PYROXD2: variants seen among roughly 807,000 people sequenced by gnomAD.
PYROXD2 encodes pyridine nucleotide-disulphide oxidoreductase domain 2.
A neutral mutation model predicts 71.1 loss-of-function variants in PYROXD2; 69 were observed. The observed-to-expected ratio is 0.97, with a 90% confidence interval of 0.80 to 1.19. The LOEUF (loss-of-function observed/expected upper bound fraction) is 1.19. Among genes scored for constraint, PYROXD2 ranks in the 50% most tolerant of loss-of-function variants. The pLI, the probability that PYROXD2 is intolerant of heterozygous loss-of-function variation, is 0.00. For synonymous variants in PYROXD2, 287 were observed against 302.7 expected, an observed-to-expected ratio of 0.95 and a Z score of 0.54; for missense variants, 745 against 748.9, an observed-to-expected ratio of 0.99 and a Z score of 0.06.
chr10:98,388,601 G>A, intron 12 of PYROXD2, 93 bp from the exon 13 acceptor site: 2 of 1,276,878 alleles, frequency 1.6e-6, no homozygotes, highest in Non-Finnish European at 2.1e-6. Flanking sequence ...GAGGCCCTGA[G>A]ATGACACCAA....
intron 10 of PYROXD2, 128 bp from the exon 11 acceptor site, chr10:98,391,210 C>T (rs1446558475): frequency 1.6e-5 from 11 of 680,630 alleles, no homozygotes; most frequent in East Asian, 2.7e-5. Flanking sequence ...CAAAGCTCAG[C>T]CAAAACCACC....
Position 98,383,613 on chromosome 10 carries a change from TGG to T in PYROXD2, c.*183_*184del. The T allele has an allele frequency of 1.5e-6, 1 of 660,892 alleles. No individual in the cohort carries two copies. The highest frequency in any genetic ancestry group is 1.8e-5 in the South Asian group (1 of 55,170). 40.9% of individuals were successfully genotyped at this position (660,892 alleles called of 1,614,324 possible). A position where few individuals can be genotyped will look rare whatever the true frequency, so the allele number is the denominator to read the frequency against. On this transcript the variant is annotated 3_prime_UTR_variant, in exon 16 of 16. Transcript: ENST00000370575. ...TAATAAAACAGAACCAGTCCATGTATGGAGGCATGGGCATAAGGTCAACTTGC... is the reference window on the plus strand; with the variant it reads ...TAATAAAACAGAACCAGTCCATGTATAGGCATGGGCATAAGGTCAACTTGC...
chr10:98,392,607 G>A (rs1438712374), intron 9 of PYROXD2, 41 bp from the exon 10 acceptor site: 7 of 1,603,404 alleles, frequency 4.4e-6, no homozygotes, highest in Non-Finnish European at 5.9e-6. Flanking sequence ...CCGCAGGAAG[G>A]GAAATCCATG....
At chr10:98,395,168 T>C in intron 8 of PYROXD2, 28 bp downstream of exon 8, 1 of 1,588,968 alleles carries the variant, frequency 6.3e-7, no homozygotes, top group South Asian at 1.1e-5. Context: ...GCCCCACTCC[T>C]GTGTCCCACC....
At chr10:98,397,877 CTTTTTTTTTTTT>C (rs60678578) in intron 5 of PYROXD2, among the ~76,000 whole-genome samples, 2 of 84,172 alleles carry the variant, frequency 2.4e-5, no homozygotes, top group African/African-American at 9.6e-5. Context: ...GTCCTTTCTT[CTTTTTTTTTTTT>C]TTTTTTTTTT....
At chr10:98,397,629 C>T in intron 5 of PYROXD2, 131 bp from the exon 6 acceptor site, 2 of 1,121,080 alleles carry the variant, frequency 1.8e-6, no homozygotes, top group Admixed American at 6.8e-5. Flanking sequence ...CCCAGCTTGG[C>T]TCTGTTGAGC....
chr10:98,403,354 C>G (rs1843485719), intron 4 of PYROXD2, among the ~76,000 whole-genome samples: 1 of 152,224 alleles, frequency 6.6e-6, no homozygotes, highest in South Asian at 2.1e-4. Context: ...ACCGCTGCAG[C>G]GGCGGCCTAG....
Position 98,392,514 on chromosome 10 carries a change from AG to A in PYROXD2, c.979del (p.Leu327TrpfsTer7). The A allele has an allele frequency of 6.2e-7, 1 of 1,613,712 alleles. No individual in the cohort carries two copies. Among genetic ancestry groups the A allele is most frequent in the South Asian group, 1.1e-5 (1 of 91,086 alleles). ...NSEGCVQGVV[L>X]EDGTEVRSKM... is the part of the protein sequence containing the mutation. Reference sequence around the variant, plus strand: ...GCTTCTCACCTCTGTGCCATCTTCCAGCACAACTCCTTGAACACAGCCTTCA... The same window carrying A: ...GCTTCTCACCTCTGTGCCATCTTCCACACAACTCCTTGAACACAGCCTTCA... On this transcript the variant is annotated frameshift_variant, in exon 10 of 16. Transcript: ENST00000370575. LOFTEE classifies it high-confidence loss of function.
rs1007880823 is a variant in PYROXD2, at chr10:98,404,169, C to T, written c.315+3413G>A. Among the ~76,000 whole-genome samples the T allele has an allele frequency of 2.6e-5, 4 of 152,234 alleles. No homozygotes were observed. The South Asian group carries it at 8.3e-4, about 32-fold the overall frequency. On this transcript the variant is annotated intron_variant, in intron 4 of 15. Transcript: ENST00000370575. The stretch of plus-strand genomic sequence containing the variant: ...GGAGGCGTAAACAGACTGTAACCTA[C>T]TTCTGTGTCAATCGCCGAGTTTTGG...
chr10:98,407,848 G>A (rs7091709), intron 3 of PYROXD2, 56 bp downstream of exon 3: 174,802 of 1,049,070 alleles, frequency 0.17, 31,975 homozygotes, highest in African/African-American at 0.53. Flanking sequence ...AGCAGGGATG[G>A]AGACTGTCAC....
At chr10:98,391,104 A>C (rs372757981) in intron 10 of PYROXD2, 22 bp from the exon 11 acceptor site, 2 of 1,528,946 alleles carry the variant, frequency 1.3e-6, no homozygotes, top group Non-Finnish European at 1.8e-6. Context: ...AGGCTCCATG[A>C]AAGGCCTCAG....
chr10:98,413,718 A>G (rs1843867979), intron 1 of PYROXD2, among the ~76,000 whole-genome samples: 1 of 152,178 alleles, frequency 6.6e-6, no homozygotes, highest in African/African-American at 2.4e-5. Flanking sequence ...CATCTCAATA[A>G]ATGAATAAAT....
chr10:98,414,250 A>G (rs973443340), intron 1 of PYROXD2: 1 of 152,068 alleles, frequency 6.6e-6, no homozygotes, highest in Non-Finnish European at 1.5e-5. Flanking sequence ...CGGTCCCGTC[A>G]TTATCTCTGT....
At chr10:98,410,626 G>C (rs6584202) in intron 2 of PYROXD2, 2 of 430,936 alleles carry the variant, frequency 4.6e-6, no homozygotes, top group Non-Finnish European at 8.3e-6. Context: ...CTCTCATGCT[G>C]TGTTGGTTAC....
chr10:98,407,472 C>A (rs1843636183), intron 4 of PYROXD2, 110 bp downstream of exon 4: 1 of 1,330,264 alleles, frequency 7.5e-7, no homozygotes, highest in Non-Finnish European at 1.0e-6. Context: ...GAAGAGGGAG[C>A]CCTCAGGGGC....
At chr10:98,388,066 G>T in intron 13 of PYROXD2, 2 of 371,688 alleles carry the variant, frequency 5.4e-6, no homozygotes, top group Non-Finnish European at 1.0e-5. Context: ...GTCTCCTTTG[G>T]TTCGTGCAGT....
chr10:98,412,132 T>A (rs184028982), intron 1 of PYROXD2, among the ~76,000 whole-genome samples: 5 of 152,244 alleles, frequency 3.3e-5, no homozygotes, highest in African/African-American at 1.2e-4. Flanking sequence ...AAGGATGAGA[T>A]AAATGGGAGC....
intron 6 of PYROXD2, among the ~76,000 whole-genome samples, chr10:98,396,635 A>AT (rs1391600996): frequency 6.6e-6 from 1 of 152,160 alleles, no homozygotes; most frequent in Non-Finnish European, 1.5e-5. Flanking sequence ...TTCTTCCTGT[A>AT]TGGGGGCAGC....
At chr10:98,402,940 T>G (rs1478250094) in intron 4 of PYROXD2, among the ~76,000 whole-genome samples, 1 of 152,236 alleles carries the variant, frequency 6.6e-6, no homozygotes, top group African/African-American at 2.4e-5. Context: ...GAATGCTAGG[T>G]TGCAGACAAG....
Sources: gnomAD v4.1 joint callset for allele counts (sites outside exome capture counted in the v4.1 genomes callset) on GRCh38, gnomAD v4.1.1 for gene constraint, MANE v1.5 for transcripts, NCBI Gene and HGNC (gene_info 2026-07-23, HGNC 2026-07-21) for gene names.